RYR3: variants seen among roughly 807,000 people sequenced by gnomAD.
RYR3 encodes ryanodine receptor 3, also known as brain ryanodine receptor-calcium release channel.
Under a neutral mutation model 584.3 loss-of-function variants are expected in RYR3, and 207 were observed. That is an observed-to-expected ratio of 0.35 (90% CI 0.32 to 0.40). The LOEUF is 0.40. Ranked by LOEUF, RYR3 falls within the 10% of genes least tolerant of loss-of-function variation. The probability of loss-of-function intolerance (pLI) is 1.00; values close to 1 mark genes in which losing one functional copy is unlikely to be tolerated. For missense variants in RYR3, 5,616 were observed against 6,089.2 expected, an observed-to-expected ratio of 0.92 and a Z score of 2.59; for synonymous variants, 2,416 against 2,248.5, an observed-to-expected ratio of 1.07 and a Z score of -2.11.
At chr15:33,842,493 T>G (rs1449477552) in intron 91 of RYR3, among the ~76,000 whole-genome samples, 1 of 152,222 alleles carries the variant, frequency 6.6e-6, no homozygotes, top group African/African-American at 2.4e-5. Flanking sequence ...CTTGTAATAT[T>G]CTTTCTCTGA....
At chr15:33,647,522 G>A in intron 30 of RYR3, 62 bp downstream of exon 30, 1 of 1,181,084 alleles carries the variant, frequency 8.5e-7, no homozygotes, top group South Asian at 1.2e-5. Flanking sequence ...CTGGTAATAT[G>A]CCCCTTACAG....
At chr15:33,666,253 C>T (rs1015205666) in intron 36 of RYR3, among the ~76,000 whole-genome samples, 6 of 152,186 alleles carry the variant, frequency 3.9e-5, no homozygotes, top group Non-Finnish European at 7.3e-5. Flanking sequence ...CTCCACCTGC[C>T]TCAGCTTCCC....
At chr15:33,732,857 G>A (rs2069085626) in intron 48 of RYR3, among the ~76,000 whole-genome samples, 1 of 152,138 alleles carries the variant, frequency 6.6e-6, no homozygotes, top group Non-Finnish European at 1.5e-5. Flanking sequence ...CCAGAGAGAG[G>A]ATCAACAGCC....
intron 67 of RYR3, among the ~76,000 whole-genome samples, chr15:33,797,220 C>T (rs571272220): frequency 7.9e-4 from 120 of 152,258 alleles, no homozygotes; most frequent in Non-Finnish European, 1.3e-3. Flanking sequence ...TAAACCCAAC[C>T]TTCTTCTCTG....
At chr15:33,530,196 C>A (rs866771169) in intron 3 of RYR3, among the ~76,000 whole-genome samples, 1 of 152,224 alleles carries the variant, frequency 6.6e-6, no homozygotes, top group Non-Finnish European at 1.5e-5. Flanking sequence ...GTGCCGCCTG[C>A]CACACTGCCT....
At chr15:33,711,552 C>G (rs1327501997) in intron 43 of RYR3, among the ~76,000 whole-genome samples, 1 of 152,180 alleles carries the variant, frequency 6.6e-6, no homozygotes, top group Non-Finnish European at 1.5e-5. Context: ...TACCAGGCCA[C>G]TTCTTGAACA....
intron 32 of RYR3, among the ~76,000 whole-genome samples, chr15:33,653,299 G>A (rs1413468188): frequency 1.3e-5 from 2 of 152,098 alleles, no homozygotes; most frequent in Non-Finnish European, 2.9e-5. Context: ...CCTATAAAAA[G>A]GATTAATTTG....
chr15:33,325,906 A>G (rs772579010), intron 1 of RYR3, among the ~76,000 whole-genome samples: 1 of 151,824 alleles, frequency 6.6e-6, no homozygotes, highest in Non-Finnish European at 1.5e-5. Flanking sequence ...ATCTCAAGCA[A>G]TCCTCCCACC....
At chr15:33,810,402 G>A (rs1596724896) in intron 70 of RYR3, 77 bp from the exon 71 acceptor site, 2 of 1,485,006 alleles carry the variant, frequency 1.3e-6, no homozygotes, top group East Asian at 4.6e-5. Flanking sequence ...CAAGGAGGCA[G>A]GCTGCCTCTG....
At chr15:33,341,763 C>G (rs1971849493) in intron 1 of RYR3, among the ~76,000 whole-genome samples, 1 of 152,158 alleles carries the variant, frequency 6.6e-6, no homozygotes, top group East Asian at 1.9e-4. Context: ...CTTTACTTCC[C>G]TCAAGGTGAT....
chr15:33,816,596 A>G (rs919022715), intron 74 of RYR3, among the ~76,000 whole-genome samples: 2 of 152,240 alleles, frequency 1.3e-5, no homozygotes, highest in East Asian at 1.9e-4. Flanking sequence ...TAAAGAGCCT[A>G]TGAGAACAGA....
At chr15:33,383,474 C>T (rs781483357) in intron 1 of RYR3, among the ~76,000 whole-genome samples, 31 of 151,614 alleles carry the variant, frequency 2.0e-4, no homozygotes, top group Non-Finnish European at 4.0e-4. Context: ...AGTTAATGTC[C>T]GGCATTTTCA....
At chr15:33,762,152 C>T (rs1034713821) in intron 60 of RYR3, among the ~76,000 whole-genome samples, 3 of 150,944 alleles carry the variant, frequency 2.0e-5, no homozygotes. Context: ...CAATATCATA[C>T]TGAATGGGCA....
intron 1 of RYR3, among the ~76,000 whole-genome samples, chr15:33,403,219 T>G (rs767554302): frequency 1.3e-5 from 2 of 151,834 alleles, no homozygotes; most frequent in African/African-American, 4.8e-5. Flanking sequence ...AATTATTTTC[T>G]TTTCAACCAT....
intron 9 of RYR3, among the ~76,000 whole-genome samples, chr15:33,549,182 A>G (rs1485857428): frequency 2.0e-5 from 3 of 152,166 alleles, no homozygotes; most frequent in African/African-American, 7.2e-5. Context: ...ACCCATTAAA[A>G]ATCTGAGAGT....
intron 102 of RYR3, among the ~76,000 whole-genome samples, chr15:33,861,855 C>A (rs1010530264): frequency 5.9e-5 from 9 of 152,108 alleles, no homozygotes; most frequent in African/African-American, 2.2e-4. Context: ...GAACTCCTGA[C>A]CTCAGGTGAT....
chr15:33,613,425 C>G (rs775107349), intron 19 of RYR3, 50 bp downstream of exon 19: 1 of 1,523,898 alleles, frequency 6.6e-7, no homozygotes, highest in African/African-American at 1.4e-5. Flanking sequence ...CCCACCTCCC[C>G]GCCACCACTG....
rs181397296 is a variant in RYR3, at chr15:33,334,163, C to T, written c.51+23067C>T. ...ATTAAACTACCATTGACATTCTTCA[C>T]GGAACTAGACAAAACTATTTTAAAA... On this transcript the variant is annotated intron_variant, in intron 1 of 103. Transcript: ENST00000634891. Among the ~76,000 whole-genome samples, 243 of 152,222 alleles carry T rather than the reference C, an allele frequency of 1.6e-3. 1 individual carries two copies. The highest frequency in any genetic ancestry group is 5.5e-3 in the African/African-American group (227 of 41,522).
chr15:33,559,115 G>A (rs961427459), intron 10 of RYR3, among the ~76,000 whole-genome samples: 4 of 152,132 alleles, frequency 2.6e-5, no homozygotes, highest in Non-Finnish European at 2.9e-5. Flanking sequence ...GGCTTTATGC[G>A]CTTTGAGTTG....
Sources: allele counts gnomAD v4.1 joint callset (sites outside exome capture counted in the v4.1 genomes callset), GRCh38; gene constraint gnomAD v4.1.1; transcripts MANE v1.5; gene names NCBI Gene and HGNC (gene_info 2026-07-23, HGNC 2026-07-21).